The following IL6 variants were observed in gnomAD, a reference collection of about 807,000 sequenced individuals.
IL6 encodes the protein interleukin-6.
A neutral mutation model predicts 18.0 loss-of-function variants in IL6; 5 were observed. The observed-to-expected ratio is 0.28, with a 90% CI of 0.15 to 0.58. The LOEUF (loss-of-function observed/expected upper bound fraction) is 0.58. Among genes scored for constraint, IL6 ranks in the 20% least tolerant of loss-of-function variants. The pLI, the probability that IL6 is intolerant of heterozygous loss-of-function variation, is 0.90. For missense variants in IL6, 266 were observed against 251.0 expected, an observed-to-expected ratio of 1.06 and a Z score of -0.40; for synonymous variants, 97 against 95.1, an observed-to-expected ratio of 1.02 and a Z score of -0.12.
chr7:22,727,269 T>C lies in IL6; in HGVS notation c.7T>C (p.Ser3Pro). Reference sequence around the variant, plus strand: ...CCCCTCCAGGAGCCCAGCTATGAACTCCTTCTCCACAAGTAAGTGCAGGAA... The same window carrying C: ...CCCCTCCAGGAGCCCAGCTATGAACCCCTTCTCCACAAGTAAGTGCAGGAA... MN[S>P]FSTSAFGPVA... The change falls in exon 1 of 5, where the codon TCC (serine) becomes CCC (proline). Residue 3 changes from serine (S) to proline (P), a missense_variant. Physicochemically the swap from Ser to Pro is moderately conservative, Grantham distance 74. Transcript: ENST00000258743. 1 of 1,613,742 alleles carries C rather than the reference T, an allele frequency of 6.2e-7. No homozygotes were observed. The highest frequency in any genetic ancestry group is 8.5e-7 in the Non-Finnish European group (1 of 1,179,984).
At position 22,727,579 on chromosome 7, in the gene IL6, G is replaced by A. The variant is rs907057477; in HGVS notation, c.155G>A (p.Arg52Gln). 1 of 1,589,502 alleles carries A rather than the reference G, an allele frequency of 6.3e-7. No homozygotes were observed. Among genetic ancestry groups the A allele is most frequent in the African/African-American group, 1.4e-5 (1 of 73,960 alleles). Reference protein sequence around the residue: ...PHRQPLTSSERIDKQIRYILD... With the variant: ...PHRQPLTSSEQIDKQIRYILD... ...AGACAGCCACTCACCTCTTCAGAAC[G>A]AATTGACAAACAAATTCGGTACATC... The change falls in exon 2 of 5, where the codon CGA (arginine) becomes CAA (glutamine). Residue 52 changes from arginine to glutamine, a missense_variant. Physicochemically the swap from Arg to Gln is conservative, Grantham distance 43. Transcript: ENST00000258743.
At position 22,731,398 on chromosome 7, in the gene IL6, T is replaced by C; in HGVS notation, c.472-8T>C. On this transcript the variant is annotated splice_region_variant and splice_polypyrimidine_tract_variant and intron_variant, in intron 4 of 4. Transcript: ENST00000258743. The stretch of plus-strand genomic sequence containing the variant: ...TAAACAATCCTTTTTACTTTCATTT[T>C]CCTTCAGGCAAAGAATCTAGATGCA... The C allele has an allele frequency of 6.4e-7, 1 of 1,561,444 alleles. No individual in the cohort carries two copies. Among genetic ancestry groups the C allele is most frequent in the Non-Finnish European group, 8.7e-7 (1 of 1,146,060 alleles).
At chr7:22,730,203 C>A in intron 4 of IL6, 1 of 985,378 alleles carries the variant, frequency 1.0e-6, no homozygotes, top group Non-Finnish European at 1.2e-6. Flanking sequence ...AGTAGACTTG[C>A]TGGCTAGCAT....
chr7:22,727,321 C>A, intron 1 of IL6, 40 bp downstream of exon 1: 1 of 1,614,022 alleles, frequency 6.2e-7, no homozygotes, highest in Non-Finnish European at 8.5e-7. Context: ...CTGCCAGCGG[C>A]GGTCGAGCCC....
At chr7:22,731,203 G>T (rs1245516489) in intron 4 of IL6, among the ~76,000 whole-genome samples, 2 of 151,782 alleles carry the variant, frequency 1.3e-5, no homozygotes, top group African/African-American at 4.8e-5. Flanking sequence ...CTCCAGCCTG[G>T]GTGACAGAAC....
chr7:22,731,643 C>A lies in IL6; in HGVS notation c.*70C>A. 2 of 1,221,192 alleles carry A rather than the reference C, an allele frequency of 1.6e-6. No homozygotes were observed. Among genetic ancestry groups the A allele is most frequent in the South Asian group, 3.6e-5 (2 of 55,136 alleles). 75.6% of individuals were successfully genotyped at this position (1,221,192 alleles called of 1,614,324 possible). A position where few individuals can be genotyped will look rare whatever the true frequency, so the allele number is the denominator to read the frequency against. Reference sequence around the variant, plus strand: ...TGGTCAGAAACCTGTCCACTGGGCACAGAACTTATGTTGTTCTCTATGGAG... The same window carrying A: ...TGGTCAGAAACCTGTCCACTGGGCAAAGAACTTATGTTGTTCTCTATGGAG... On this transcript the variant is annotated 3_prime_UTR_variant, in exon 5 of 5. Coordinates refer to ENST00000258743, the MANE Select transcript of IL6 (RefSeq NM_000600.5).
intron 2 of IL6, 168 bp from the exon 3 acceptor site, chr7:22,728,525 C>T (rs879821310): frequency 8.3e-6 from 5 of 599,694 alleles, no homozygotes; most frequent in Non-Finnish European, 1.5e-5. Context: ...TGGAACTGAA[C>T]CCAAGTGTGC....
intron 4 of IL6, chr7:22,730,274 C>A (rs1784101865): frequency 1.0e-6 from 1 of 985,372 alleles, no homozygotes; most frequent in Non-Finnish European, 1.2e-6. Flanking sequence ...GCTGATCCTG[C>A]CTCTGCCATT....
intron 4 of IL6, chr7:22,730,100 G>C: frequency 1.0e-6 from 1 of 985,338 alleles, no homozygotes; most frequent in Non-Finnish European, 1.2e-6. Context: ...CCTTTTACCA[G>C]AGAGTTAGTT....
chr7:22,727,595 T>C lies in IL6; in HGVS notation c.171T>C (p.Ile57=). ...LTSSERIDKQ[I]RYILDGISAL... ...CTTCAGAACGAATTGACAAACAAAT[T>C]CGGTACATCCTCGACGGCATCTCAG... Residue 57 remains isoleucine (I), a synonymous_variant, in exon 2 of 5, where the codon ATT becomes ATC. Coordinates refer to ENST00000258743, the MANE Select transcript of IL6 (RefSeq NM_000600.5). 1 of 1,579,580 alleles carries C rather than the reference T, an allele frequency of 6.3e-7. No individual in the cohort carries two copies. The highest frequency in any genetic ancestry group is 1.2e-5 in the South Asian group (1 of 84,926).
intron 4 of IL6, among the ~76,000 whole-genome samples, chr7:22,731,008 G>T (rs540205400): frequency 4.8e-4 from 73 of 152,086 alleles, no homozygotes; most frequent in African/African-American, 1.7e-3. Context: ...GGCTGAGGTG[G>T]GTGGATCATT....
Position 22,727,482 on chromosome 7 carries a change from C to T in IL6, c.58C>T (p.Leu20=). 2 of 1,614,092 alleles carry T rather than the reference C, an allele frequency of 1.2e-6. No homozygotes were observed. The highest frequency in any genetic ancestry group is 1.7e-6 in the Non-Finnish European group (2 of 1,179,958). ...AGTTGCCTTCTCCCTGGGGCTGCTC[C>T]TGGTGTTGCCTGCTGCCTTCCCTGC... ...GPVAFSLGLL[L]VLPAAFPAPV... is the part of the protein sequence containing the mutation. Residue 20 remains leucine (L), a synonymous_variant, in exon 2 of 5, where the codon CTG becomes TTG. Transcript: ENST00000258743.
At chr7:22,731,287 T>G in intron 4 of IL6, 119 bp from the exon 5 acceptor site, 1 of 717,578 alleles carries the variant, frequency 1.4e-6, no homozygotes, top group Non-Finnish European at 2.2e-6. Flanking sequence ...GGCACCCCAG[T>G]TAATCTCATT....
intron 2 of IL6, chr7:22,728,443 C>G (rs1583432986): frequency 6.5e-6 from 3 of 464,176 alleles, no homozygotes; most frequent in Middle Eastern, 1.1e-3. Flanking sequence ...AACAAATTTG[C>G]AAGGAAGGTT....
intron 2 of IL6, among the ~76,000 whole-genome samples, chr7:22,728,277 A>G (rs1025072181): frequency 6.6e-6 from 1 of 152,192 alleles, no homozygotes; most frequent in African/African-American, 2.4e-5. Context: ...GGACTCCATC[A>G]GTAAAATTGG....
At chr7:22,728,925 T>C (rs1032015312) in intron 3 of IL6, 119 bp downstream of exon 3, 1 of 666,986 alleles carries the variant, frequency 1.5e-6, no homozygotes, top group Non-Finnish European at 2.7e-6. Context: ...ATGTAAAGAA[T>C]GTTATGTAAA....
rs1451437502 is a variant in IL6, at chr7:22,729,674, CA to C, written c.471+15del. On this transcript the variant is annotated intron_variant, in intron 4 of 4. Transcript: ENST00000258743. ...CTGCAGAAAAAGGTGGGTGTGTCCT[CA>C]TTCCCTCAACTTGGTGTGGGGGAAG... The C allele has an allele frequency of 6.2e-7, 1 of 1,614,094 alleles. No individual in the cohort carries two copies. Among genetic ancestry groups the C allele is most frequent in the Non-Finnish European group, 8.5e-7 (1 of 1,180,038 alleles).
chr7:22,728,655 G>T, intron 2 of IL6, 38 bp from the exon 3 acceptor site: 1 of 1,168,736 alleles, frequency 8.6e-7, no homozygotes, highest in South Asian at 1.2e-5. Flanking sequence ...TTGTTTTAGG[G>T]ACACTTAGGT....
chr7:22,727,210 C>G lies in IL6; in HGVS notation c.-53C>G. 3 of 1,606,682 alleles carry G rather than the reference C, an allele frequency of 1.9e-6. No individual in the cohort carries two copies. The highest frequency in any genetic ancestry group is 1.7e-6 in the Non-Finnish European group (2 of 1,175,084). Reference sequence around the variant, plus strand: ...AGATGTCTGAGGCTCATTCTGCCCTCGAGCCCACCGGGAACGAAAGAGAAG... The same window carrying G: ...AGATGTCTGAGGCTCATTCTGCCCTGGAGCCCACCGGGAACGAAAGAGAAG... On this transcript the variant is annotated 5_prime_UTR_variant, in exon 1 of 5. Transcript: ENST00000258743.
Sources: gnomAD v4.1 joint callset for allele counts (sites outside exome capture counted in the v4.1 genomes callset) on GRCh38, gnomAD v4.1.1 for gene constraint, MANE v1.5 for transcripts, NCBI Gene and HGNC (gene_info 2026-07-23, HGNC 2026-07-21) for gene names.